Variants in FAM13A observed in about 807,000 individuals in gnomAD.
FAM13A encodes the protein protein FAM13A.
Under a neutral mutation model 129.6 loss-of-function variants are expected in FAM13A, and 76 were observed. The ratio of observed to expected loss-of-function variants is 0.59; its 90% confidence interval spans 0.49 to 0.71. The LOEUF (loss-of-function observed/expected upper bound fraction) is 0.71. Ranked by LOEUF, FAM13A falls within the 30% of genes least tolerant of loss-of-function variation. The probability of loss-of-function intolerance (pLI) is 0.00; values close to 1 mark genes in which losing one functional copy is unlikely to be tolerated. For missense variants in FAM13A, 1,108 were observed against 1,249.3 expected (o/e 0.89, Z 1.70); for synonymous variants, 443 against 449.9 (o/e 0.98, Z 0.20).
intron 5 of FAM13A, among the ~76,000 whole-genome samples, chr4:88,924,202 A>G (rs955838938): frequency 6.6e-6 from 1 of 152,194 alleles, no homozygotes; most frequent in African/African-American, 2.4e-5. Flanking sequence ...GGAAAAAACT[A>G]CTTTAAAGTT....
At chr4:88,941,432 C>G (rs1201267853) in intron 4 of FAM13A, among the ~76,000 whole-genome samples, 1 of 152,168 alleles carries the variant, frequency 6.6e-6, no homozygotes, top group African/African-American at 2.4e-5. Context: ...TTTCTTAAGG[C>G]CTTTTTCTGT....
chr4:88,956,217 G>A (rs76630961), intron 4 of FAM13A, among the ~76,000 whole-genome samples: 3,264 of 152,242 alleles, frequency 0.021, 116 homozygotes, highest in African/African-American at 0.071. Context: ...GATGCCTGAC[G>A]TAGGTGTACC....
intron 7 of FAM13A, among the ~76,000 whole-genome samples, chr4:88,835,539 T>G (rs773753042): frequency 6.6e-6 from 1 of 152,168 alleles, no homozygotes; most frequent in Non-Finnish European, 1.5e-5. Context: ...TATTATTGCA[T>G]TGTAATATAT....
chr4:88,765,336 T>C (rs1389780111), intron 13 of FAM13A, among the ~76,000 whole-genome samples: 1 of 152,150 alleles, frequency 6.6e-6, no homozygotes, highest in Non-Finnish European at 1.5e-5. Flanking sequence ...GAAAACAAAA[T>C]TAGAAATATT....
At chr4:88,955,357 G>A (rs1371101550) in intron 4 of FAM13A, among the ~76,000 whole-genome samples, 1 of 152,072 alleles carries the variant, frequency 6.6e-6, no homozygotes, top group Admixed American at 6.6e-5. Context: ...TGCCATGATT[G>A]TAAGTTTCCT....
intron 11 of FAM13A, among the ~76,000 whole-genome samples, chr4:88,770,723 C>T (rs868341075): frequency 7.3e-5 from 11 of 151,558 alleles, no homozygotes; most frequent in Middle Eastern, 3.2e-3. Flanking sequence ...GTAATTGATA[C>T]AGGTGTTAGG....
chr4:88,752,417 T>A (rs1742807253), intron 14 of FAM13A, among the ~76,000 whole-genome samples: 1 of 152,212 alleles, frequency 6.6e-6, no homozygotes. Flanking sequence ...CACATTAATT[T>A]AAAAAATTAA....
intron 3 of FAM13A, among the ~76,000 whole-genome samples, chr4:89,002,452 C>G (rs1764391080): frequency 6.6e-6 from 1 of 152,184 alleles, no homozygotes; most frequent in Admixed American, 6.6e-5. Context: ...GAAAAGTCTG[C>G]TAAGAAATAA....
intron 1 of FAM13A, among the ~76,000 whole-genome samples, chr4:89,044,630 A>G (rs2149167156): frequency 6.6e-6 from 1 of 152,342 alleles, no homozygotes; most frequent in African/African-American, 2.4e-5. Context: ...CGATGTTCAT[A>G]GCAGCATTAT....
At chr4:88,920,677 A>T (rs1447316895) in intron 5 of FAM13A, among the ~76,000 whole-genome samples, 1 of 152,250 alleles carries the variant, frequency 6.6e-6, no homozygotes, top group African/African-American at 2.4e-5. Context: ...GTTCCTCACC[A>T]GCAACGGAAC....
At chr4:89,044,511 C>T (rs1334403216) in intron 1 of FAM13A, among the ~76,000 whole-genome samples, 1 of 152,122 alleles carries the variant, frequency 6.6e-6, no homozygotes, top group Non-Finnish European at 1.5e-5. Context: ...AAGTGGGAAA[C>T]AACTAAATGG....
intron 7 of FAM13A, among the ~76,000 whole-genome samples, chr4:88,844,931 T>C (rs1303426230): frequency 6.6e-6 from 1 of 152,132 alleles, no homozygotes; most frequent in Non-Finnish European, 1.5e-5. Context: ...GGAAGACAAG[T>C]CTGCTAGTTA....
intron 4 of FAM13A, among the ~76,000 whole-genome samples, chr4:88,976,082 A>G (rs1760860647): frequency 6.6e-6 from 1 of 152,234 alleles, no homozygotes; most frequent in Non-Finnish European, 1.5e-5. Context: ...TCGTGAATGT[A>G]GAAGTCCTCT....
intron 6 of FAM13A, among the ~76,000 whole-genome samples, chr4:88,902,661 G>A (rs569864680): frequency 1.3e-5 from 2 of 152,252 alleles, no homozygotes; most frequent in African/African-American, 4.8e-5. Flanking sequence ...CATACTGAAT[G>A]AGCAAAAGCT....
intron 1 of FAM13A, among the ~76,000 whole-genome samples, chr4:89,049,662 T>C (rs1425122299): frequency 1.3e-5 from 2 of 152,176 alleles, no homozygotes. Flanking sequence ...GTATTACTAT[T>C]TTGTTTTGTT....
intron 5 of FAM13A, among the ~76,000 whole-genome samples, chr4:88,919,524 T>C (rs1462065584): frequency 3.3e-5 from 5 of 152,218 alleles, no homozygotes; most frequent in Admixed American, 6.5e-5. Context: ...GATACAAGAA[T>C]GTATGAGTTG....
intron 11 of FAM13A, among the ~76,000 whole-genome samples, chr4:88,777,055 A>G (rs571129517): frequency 1.3e-5 from 2 of 152,310 alleles, no homozygotes; most frequent in Non-Finnish European, 2.9e-5. Flanking sequence ...ATTGGATAAA[A>G]TGCATGAATG....
At chr4:88,840,532 G>GT (rs1735639736) in intron 7 of FAM13A, among the ~76,000 whole-genome samples, 1 of 152,082 alleles carries the variant, frequency 6.6e-6, no homozygotes, top group Admixed American at 6.5e-5. Flanking sequence ...GAGACTCAGA[G>GT]TACACATACA....
chr4:88,876,111 G>A (rs778981106), intron 6 of FAM13A, among the ~76,000 whole-genome samples: 5 of 152,088 alleles, frequency 3.3e-5, no homozygotes, highest in African/African-American at 4.8e-5. Flanking sequence ...TGGACACAGG[G>A]TGGGGAACAT....
Sources: gnomAD v4.1 joint callset for allele counts (sites outside exome capture counted in the v4.1 genomes callset) on GRCh38, gnomAD v4.1.1 for gene constraint, MANE v1.5 for transcripts, NCBI Gene and HGNC (gene_info 2026-07-23, HGNC 2026-07-21) for gene names.